Variants in FGF12 observed in about 807,000 individuals in gnomAD.
FGF12 encodes fibroblast growth factor 12B.
A neutral mutation model predicts 23.6 loss-of-function variants in FGF12; 14 were observed. That is an observed-to-expected ratio of 0.59 (90% CI 0.39 to 0.93). FGF12 has a LOEUF of 0.93. Ranked by LOEUF, FGF12 falls within the 40% of genes least tolerant of loss-of-function variation. The pLI, the probability that FGF12 is intolerant of heterozygous loss-of-function variation, is 0.00. For synonymous variants in FGF12, 62 were observed against 77.3 expected (o/e 0.80, Z 1.04); for missense variants, 175 against 217.8 (o/e 0.80, Z 1.24).
intron 2 of FGF12, among the ~76,000 whole-genome samples, chr3:192,398,544 C>T (rs1443653115): frequency 2.0e-5 from 3 of 151,896 alleles, no homozygotes; most frequent in East Asian, 1.9e-4. Flanking sequence ...CCACCACGCC[C>T]GACTAATTTT....
At chr3:192,618,965 C>A (rs1056913047) in intron 2 of FGF12, among the ~76,000 whole-genome samples, 2 of 151,542 alleles carry the variant, frequency 1.3e-5, no homozygotes, top group Non-Finnish European at 2.9e-5. Flanking sequence ...AACATGTTAA[C>A]CACTTAAAAT....
At chr3:192,284,729 A>G (rs1312111529) in intron 4 of FGF12, among the ~76,000 whole-genome samples, 1 of 152,086 alleles carries the variant, frequency 6.6e-6, no homozygotes, top group East Asian at 1.9e-4. Flanking sequence ...CAATTAACTC[A>G]GAAAGCAATG....
At chr3:192,300,524 T>A (rs909723404) in intron 4 of FGF12, among the ~76,000 whole-genome samples, 1 of 152,094 alleles carries the variant, frequency 6.6e-6, no homozygotes, top group Non-Finnish European at 1.5e-5. Flanking sequence ...GTGCCAATTT[T>A]GGTCAAGTCA....
chr3:192,595,635 T>C (rs145397855), intron 2 of FGF12, among the ~76,000 whole-genome samples: 173 of 152,294 alleles, frequency 1.1e-3, no homozygotes, highest in Middle Eastern at 6.8e-3. Flanking sequence ...TTTCTAACAA[T>C]TTCTCAGATG....
chr3:192,651,907 A>G lies in FGF12; in HGVS notation c.13+75274T>C, dbSNP rs78821852. On this transcript the variant is annotated intron_variant, in intron 2 of 5. Coordinates refer to ENST00000445105, the MANE Select transcript of FGF12 (RefSeq NM_004113.6). Reference sequence around the variant, plus strand: ...CTTCAATTGTCAGTCTCTAGATTCAATTCAGCTTCATTCTGTTATCAATGC... The same window carrying G: ...CTTCAATTGTCAGTCTCTAGATTCAGTTCAGCTTCATTCTGTTATCAATGC... 6.7e-3 allele frequency among the ~76,000 whole-genome samples: 1,014 copies of G among 152,296 alleles called. 16 individuals carry two copies. The highest frequency in any genetic ancestry group is 0.024 in the African/African-American group (986 of 41,556).
intron 2 of FGF12, among the ~76,000 whole-genome samples, chr3:192,673,475 T>A (rs1717207308): frequency 1.3e-5 from 2 of 150,988 alleles, no homozygotes; most frequent in African/African-American, 4.8e-5. Context: ...TTGCTGTACC[T>A]GTCAACCCAT....
chr3:192,402,514 A>T (rs1027644917), intron 2 of FGF12, among the ~76,000 whole-genome samples: 1 of 152,208 alleles, frequency 6.6e-6, no homozygotes, highest in Admixed American at 6.5e-5. Flanking sequence ...GATTCCCTCC[A>T]ACAATAGTTT....
intron 2 of FGF12, among the ~76,000 whole-genome samples, chr3:192,401,837 A>G (rs986643126): frequency 2.6e-5 from 4 of 152,182 alleles, no homozygotes; most frequent in African/African-American, 9.7e-5. Flanking sequence ...TCCCTCTCAC[A>G]TCAATCTTCA....
At chr3:192,461,053 T>C (rs1166585353) in intron 2 of FGF12, among the ~76,000 whole-genome samples, 1 of 152,198 alleles carries the variant, frequency 6.6e-6, no homozygotes, top group Non-Finnish European at 1.5e-5. Flanking sequence ...CTGTTTCAAG[T>C]AATGTTTACT....
intron 4 of FGF12, among the ~76,000 whole-genome samples, chr3:192,248,292 A>C (rs1560033616): frequency 1.3e-5 from 2 of 152,190 alleles, no homozygotes; most frequent in South Asian, 2.1e-4. Context: ...ATGTTATTTG[A>C]AGCTATTTTC....
At chr3:192,418,597 C>A (rs1292421300) in intron 2 of FGF12, among the ~76,000 whole-genome samples, 1 of 152,064 alleles carries the variant, frequency 6.6e-6, no homozygotes, top group Non-Finnish European at 1.5e-5. Context: ...GAATTGTAAT[C>A]CCAGTGTTTG....
chr3:192,576,375 A>C (rs1712884753), intron 2 of FGF12, among the ~76,000 whole-genome samples: 2 of 152,232 alleles, frequency 1.3e-5, no homozygotes, highest in South Asian at 4.1e-4. Flanking sequence ...TAACTTGCCA[A>C]ATACCACGCA....
chr3:192,386,553 G>A (rs1212510643), intron 2 of FGF12, among the ~76,000 whole-genome samples: 1 of 152,054 alleles, frequency 6.6e-6, no homozygotes, highest in Non-Finnish European at 1.5e-5. Context: ...ATAATTTAAA[G>A]TTCTGTCTCC....
At chr3:192,534,059 T>A (rs1725164675) in intron 2 of FGF12, 1 of 194,700 alleles carries the variant, frequency 5.1e-6, no homozygotes, top group African/African-American at 2.3e-5. Flanking sequence ...GGGTGGCACA[T>A]CTCACACATA....
At chr3:192,338,677 T>C (rs1453887109) in intron 3 of FGF12, among the ~76,000 whole-genome samples, 3 of 152,208 alleles carry the variant, frequency 2.0e-5, no homozygotes, top group African/African-American at 7.2e-5. Context: ...CTGAGAGCTT[T>C]GTGGAGCAGT....
intron 2 of FGF12, among the ~76,000 whole-genome samples, chr3:192,595,810 G>C (rs1713817513): frequency 6.6e-6 from 1 of 152,096 alleles, no homozygotes; most frequent in Non-Finnish European, 1.5e-5. Flanking sequence ...AAAAAACTTT[G>C]AAAGCCAAGC....
At chr3:192,147,486 G>C (rs574597409) in intron 5 of FGF12, among the ~76,000 whole-genome samples, 3 of 152,254 alleles carry the variant, frequency 2.0e-5, no homozygotes, top group African/African-American at 7.2e-5. Flanking sequence ...AGGAAACAAG[G>C]CGTAAGTGTT....
chr3:192,429,973 T>G (rs1226607537), intron 2 of FGF12, among the ~76,000 whole-genome samples: 1 of 152,214 alleles, frequency 6.6e-6, no homozygotes, highest in Non-Finnish European at 1.5e-5. Context: ...TTGTCTCTGT[T>G]GCCACTATTC....
intron 2 of FGF12, among the ~76,000 whole-genome samples, chr3:192,705,550 T>C (rs1718441161): frequency 6.6e-6 from 1 of 152,246 alleles, no homozygotes; most frequent in Non-Finnish European, 1.5e-5. Context: ...CATTTATGGA[T>C]TAAGTTGTTG....
Sources: allele counts gnomAD v4.1 joint callset (sites outside exome capture counted in the v4.1 genomes callset), GRCh38; gene constraint gnomAD v4.1.1; transcripts MANE v1.5; gene names NCBI Gene and HGNC (gene_info 2026-07-23, HGNC 2026-07-21).